Variants in GRID1 observed in about 807,000 individuals in gnomAD.
GRID1 encodes glutamate receptor ionotropic, delta-1.
In GRID1, 28 loss-of-function variants were observed where a neutral mutation model predicts 98.0. That is an observed-to-expected ratio of 0.29 (90% CI 0.21 to 0.39). The LOEUF (loss-of-function observed/expected upper bound fraction) is 0.39, where lower values mean the gene tolerates loss of function less well. GRID1 is among the 10% of genes least tolerant of loss of function. The pLI, the probability that GRID1 is intolerant of heterozygous loss-of-function variation, is 1.00. For synonymous variants in GRID1, 553 were observed against 538.5 expected (o/e 1.03, Z -0.37); for missense variants, 1,111 against 1,340.5 (o/e 0.83, Z 2.67).
chr10:85,962,496 G>T (rs549150035), intron 4 of GRID1, among the ~76,000 whole-genome samples: 2 of 152,226 alleles, frequency 1.3e-5, no homozygotes, highest in Non-Finnish European at 2.9e-5. Context: ...AAGTTACATT[G>T]CCTGGAGCCA....
chr10:86,330,572 C>T (rs1848125197), intron 2 of GRID1, among the ~76,000 whole-genome samples: 1 of 152,220 alleles, frequency 6.6e-6, no homozygotes, highest in Admixed American at 6.5e-5. Context: ...GCATCTCACC[C>T]CGTTCTTGCC....
intron 4 of GRID1, among the ~76,000 whole-genome samples, chr10:85,933,302 A>C (rs1266876556): frequency 1.7e-5 from 2 of 116,570 alleles, no homozygotes; most frequent in Non-Finnish European, 3.8e-5. Flanking sequence ...AAAAAAAAAA[A>C]AAAAAAAAAA....
chr10:85,734,147 G>A (rs545047215), intron 8 of GRID1, among the ~76,000 whole-genome samples: 10 of 152,228 alleles, frequency 6.6e-5, no homozygotes, highest in African/African-American at 2.4e-4. Flanking sequence ...TGGTCTAGGG[G>A]TGCTTTATCT....
At chr10:86,067,965 C>T (rs1478389478) in intron 4 of GRID1, among the ~76,000 whole-genome samples, 2 of 152,212 alleles carry the variant, frequency 1.3e-5, no homozygotes, top group African/African-American at 4.8e-5. Flanking sequence ...TCTGCAATGC[C>T]AGGCTCTGCT....
At chr10:85,619,598 G>A (rs1049315635) in intron 14 of GRID1, among the ~76,000 whole-genome samples, 1 of 152,086 alleles carries the variant, frequency 6.6e-6, no homozygotes. Flanking sequence ...TCCTGAAGAC[G>A]TCCTTGCCAT....
chr10:85,838,533 A>G (rs1227783834), intron 8 of GRID1, among the ~76,000 whole-genome samples: 1 of 152,198 alleles, frequency 6.6e-6, no homozygotes, highest in African/African-American at 2.4e-5. Context: ...AGAAATTCCA[A>G]CCCAGAATTT....
chr10:86,150,662 C>A (rs550321517), intron 3 of GRID1, among the ~76,000 whole-genome samples: 3 of 152,238 alleles, frequency 2.0e-5, no homozygotes, highest in South Asian at 2.1e-4. Flanking sequence ...TGTGCTCCCC[C>A]AAAATTCATG....
intron 4 of GRID1, among the ~76,000 whole-genome samples, chr10:86,126,173 C>T (rs2131963011): frequency 6.6e-6 from 1 of 152,252 alleles, no homozygotes; most frequent in Admixed American, 6.5e-5. Flanking sequence ...AACAGGAACT[C>T]GGCCGGGCGT....
chr10:86,086,897 A>G (rs1844067154), intron 4 of GRID1, among the ~76,000 whole-genome samples: 1 of 152,204 alleles, frequency 6.6e-6, no homozygotes, highest in Non-Finnish European at 1.5e-5. Flanking sequence ...AGGACATTCC[A>G]CAGGGCCTGC....
intron 2 of GRID1, among the ~76,000 whole-genome samples, chr10:86,232,317 A>G (rs1348166032): frequency 6.6e-6 from 1 of 152,220 alleles, no homozygotes; most frequent in African/African-American, 2.4e-5. Context: ...GAACTGATAC[A>G]CTGAGGGTTC....
chr10:86,151,412 C>G (rs889429595), intron 3 of GRID1, among the ~76,000 whole-genome samples: 1 of 151,794 alleles, frequency 6.6e-6, no homozygotes, highest in African/African-American at 2.4e-5. Context: ...TCTCTGTGCA[C>G]CAAGACACAG....
At chr10:85,709,487 C>A (rs1429694833) in intron 12 of GRID1, among the ~76,000 whole-genome samples, 1 of 152,050 alleles carries the variant, frequency 6.6e-6, no homozygotes, top group Non-Finnish European at 1.5e-5. Flanking sequence ...TAAATTAAAG[C>A]AAAATAAAGT....
In GRID1 at chr10:85,938,191, C is replaced by T. The variant is rs145762651; in HGVS notation, c.727-21952G>A. ...GATGGGAGAATCCAACTCTCTAGGGCAAGTTCTCCAGGAAAATCCACCTGA... is the reference window on the plus strand; with the variant it reads ...GATGGGAGAATCCAACTCTCTAGGGTAAGTTCTCCAGGAAAATCCACCTGA... On this transcript the variant is annotated intron_variant, in intron 4 of 15. Transcript: ENST00000327946. Among the ~76,000 whole-genome samples the T allele has an allele frequency of 3.1e-3, 468 of 152,290 alleles. 1 individual carries two copies. The highest frequency in any genetic ancestry group is 0.01 in the African/African-American group (435 of 41,556).
intron 3 of GRID1, among the ~76,000 whole-genome samples, chr10:86,165,709 TC>T (rs1450499648): frequency 6.6e-6 from 1 of 152,170 alleles, no homozygotes; most frequent in Non-Finnish European, 1.5e-5. Flanking sequence ...TGGCCATCCC[TC>T]CCTGTTTTCC....
At chr10:85,877,461 ACAGCCACCGCTGTTCTG>A (rs1840911308) in intron 5 of GRID1, among the ~76,000 whole-genome samples, 1 of 152,198 alleles carries the variant, frequency 6.6e-6, no homozygotes, top group Admixed American at 6.5e-5. Context: ...CCACTGTTCT[ACAGCCACCGCTGTTCTG>A]CAGCCACCGC....
chr10:85,898,427 A>G (rs865872036), intron 5 of GRID1, among the ~76,000 whole-genome samples: 2 of 152,156 alleles, frequency 1.3e-5, no homozygotes, highest in African/African-American at 4.8e-5. Context: ...TTTTCTTCAA[A>G]AATAAATTAA....
At chr10:86,339,972 G>A (rs1157221935) in intron 2 of GRID1, among the ~76,000 whole-genome samples, 1 of 152,182 alleles carries the variant, frequency 6.6e-6, no homozygotes, top group Non-Finnish European at 1.5e-5. Flanking sequence ...GCACCAGGAG[G>A]ACGGGAGGGG....
chr10:85,980,929 A>G (rs1399882486), intron 4 of GRID1, among the ~76,000 whole-genome samples: 2 of 152,234 alleles, frequency 1.3e-5, no homozygotes, highest in African/African-American at 4.8e-5. Context: ...TTATGAATAC[A>G]TAAATGTCTA....
intron 2 of GRID1, among the ~76,000 whole-genome samples, chr10:86,322,165 A>C (rs1417836917): frequency 2.0e-5 from 3 of 152,194 alleles, no homozygotes; most frequent in Non-Finnish European, 2.9e-5. Flanking sequence ...GATGAAGATC[A>C]AATTAGTCAC....
Sources: allele counts gnomAD v4.1 joint callset (sites outside exome capture counted in the v4.1 genomes callset), GRCh38; gene constraint gnomAD v4.1.1; transcripts MANE v1.5; gene names NCBI Gene and HGNC (gene_info 2026-07-23, HGNC 2026-07-21).